IGF2BP2: variants seen among roughly 807,000 people sequenced by gnomAD.
IGF2BP2 encodes insulin-like growth factor 2 mRNA-binding protein 2.
A neutral mutation model predicts 75.8 loss-of-function variants in IGF2BP2; 17 were observed. That is an observed-to-expected ratio of 0.22 (90% CI 0.15 to 0.34). The LOEUF (loss-of-function observed/expected upper bound fraction) is 0.34. Ranked by LOEUF, IGF2BP2 falls within the 10% of genes least tolerant of loss-of-function variation. The pLI, the probability that IGF2BP2 is intolerant of heterozygous loss-of-function variation, is 1.00. For missense variants in IGF2BP2, 516 were observed against 772.4 expected (o/e 0.67, Z 3.93); for synonymous variants, 288 against 295.6 (o/e 0.97, Z 0.26).
chr3:185,769,022 G>A (rs764629758), intron 2 of IGF2BP2, among the ~76,000 whole-genome samples: 10 of 152,044 alleles, frequency 6.6e-5, no homozygotes, highest in Non-Finnish European at 1.0e-4. Flanking sequence ...GTGAGACTCC[G>A]TCTCAAAACA....
intron 13 of IGF2BP2, among the ~76,000 whole-genome samples, chr3:185,651,078 T>A (rs1033482770): frequency 6.6e-6 from 1 of 152,082 alleles, no homozygotes; most frequent in African/African-American, 2.4e-5. Flanking sequence ...CCAGCTACTT[T>A]AAAATTTTTT....
chr3:185,787,464 G>A (rs769840785), intron 2 of IGF2BP2, among the ~76,000 whole-genome samples: 4 of 152,212 alleles, frequency 2.6e-5, no homozygotes, highest in African/African-American at 4.8e-5. Flanking sequence ...CGGGCGCGGC[G>A]GCTCACGCCT....
At chr3:185,814,167 C>A (rs904206069) in intron 2 of IGF2BP2, 8 of 152,194 alleles carry the variant, frequency 5.3e-5, no homozygotes, top group African/African-American at 1.9e-4. Context: ...TCTATGGTCT[C>A]CTCCTTTCTC....
intron 2 of IGF2BP2, among the ~76,000 whole-genome samples, chr3:185,730,584 G>A (rs1353356410): frequency 2.6e-5 from 4 of 151,772 alleles, no homozygotes; most frequent in African/African-American, 9.7e-5. Flanking sequence ...ACAAGCATGC[G>A]CCACCACGCC....
intron 2 of IGF2BP2, among the ~76,000 whole-genome samples, chr3:185,699,915 AG>A (rs1723064526): frequency 6.6e-6 from 1 of 152,222 alleles, no homozygotes. Context: ...AAAATTAGAC[AG>A]AAAAAAGAAC....
chr3:185,682,940 G>A (rs1292870553), intron 7 of IGF2BP2, among the ~76,000 whole-genome samples: 1 of 152,082 alleles, frequency 6.6e-6, no homozygotes. Flanking sequence ...CTCACTTCTT[G>A]GCACATATCC....
intron 2 of IGF2BP2, among the ~76,000 whole-genome samples, chr3:185,730,153 TCTG>T (rs1227307411): frequency 6.6e-6 from 1 of 152,166 alleles, no homozygotes; most frequent in Admixed American, 6.5e-5. Context: ...GTTCCCAGTG[TCTG>T]CTATTTTCAT....
chr3:185,777,692 A>G (rs1036763569), intron 2 of IGF2BP2, among the ~76,000 whole-genome samples: 1 of 152,190 alleles, frequency 6.6e-6, no homozygotes, highest in African/African-American at 2.4e-5. Context: ...ATCAAGGAAT[A>G]AATGTTTGCA....
At chr3:185,679,008 T>C (rs556706260) in intron 7 of IGF2BP2, among the ~76,000 whole-genome samples, 130 of 152,340 alleles carry the variant, frequency 8.5e-4, no homozygotes, top group African/African-American at 3.1e-3. Flanking sequence ...AGCCTATATG[T>C]GTCCTTATAT....
intron 2 of IGF2BP2, among the ~76,000 whole-genome samples, chr3:185,809,983 G>A (rs2150003141): frequency 6.6e-6 from 1 of 152,238 alleles, no homozygotes; most frequent in South Asian, 2.1e-4. Flanking sequence ...TTTTGCAGAA[G>A]CGTTAAGATC....
At chr3:185,671,535 C>CAAAAAA (rs397706922) in intron 10 of IGF2BP2, among the ~76,000 whole-genome samples, 4 of 88,574 alleles carry the variant, frequency 4.5e-5, no homozygotes, top group East Asian at 3.2e-4. Flanking sequence ...GACTCCATCT[C>CAAAAAA]AAAAAAAAAA....
At chr3:185,660,175 C>A (rs973041398) in intron 10 of IGF2BP2, among the ~76,000 whole-genome samples, 1 of 152,202 alleles carries the variant, frequency 6.6e-6, no homozygotes, top group African/African-American at 2.4e-5. Context: ...TGGGTCAACA[C>A]TGACATTGCT....
intron 2 of IGF2BP2, among the ~76,000 whole-genome samples, chr3:185,803,889 C>T (rs1311804387): frequency 6.6e-6 from 1 of 151,462 alleles, no homozygotes; most frequent in African/African-American, 2.4e-5. Context: ...TTTAGGAGGC[C>T]GAGGCGGGTG....
At chr3:185,723,988 A>G (rs1208574314) in intron 2 of IGF2BP2, among the ~76,000 whole-genome samples, 2 of 152,286 alleles carry the variant, frequency 1.3e-5, no homozygotes, top group East Asian at 3.9e-4. Flanking sequence ...GAAGGAGACA[A>G]ATCCAGCGCC....
At chr3:185,651,636 A>G (rs1403507619) in intron 13 of IGF2BP2, among the ~76,000 whole-genome samples, 3 of 152,248 alleles carry the variant, frequency 2.0e-5, no homozygotes, top group African/African-American at 7.2e-5. Context: ...TCTCACTTTT[A>G]GAAAGCTCGA....
intron 2 of IGF2BP2, among the ~76,000 whole-genome samples, chr3:185,759,722 A>C (rs1474277481): frequency 6.6e-6 from 1 of 152,242 alleles, no homozygotes; most frequent in East Asian, 1.9e-4. Flanking sequence ...CCAATCTCTC[A>C]GAAGTCGCCC....
At chr3:185,678,064 C>T (rs1174580744) in intron 7 of IGF2BP2, among the ~76,000 whole-genome samples, 3 of 152,136 alleles carry the variant, frequency 2.0e-5, no homozygotes, top group South Asian at 2.1e-4. Flanking sequence ...CTGAAAGGTT[C>T]CCAAATATGA....
chr3:185,667,802 GT>G (rs903200894), intron 10 of IGF2BP2, among the ~76,000 whole-genome samples: 1 of 152,176 alleles, frequency 6.6e-6, no homozygotes, highest in Non-Finnish European at 1.5e-5. Flanking sequence ...AGATAATCGT[GT>G]TTTTTACAAA....
intron 7 of IGF2BP2, among the ~76,000 whole-genome samples, chr3:185,679,925 A>C (rs923193312): frequency 3.3e-5 from 5 of 152,150 alleles, no homozygotes; most frequent in Non-Finnish European, 5.9e-5. Context: ...CCATCCTTTT[A>C]TTTCAACTTG....
Sources: gnomAD v4.1 joint callset for allele counts (sites outside exome capture counted in the v4.1 genomes callset) on GRCh38, gnomAD v4.1.1 for gene constraint, MANE v1.5 for transcripts, NCBI Gene and HGNC (gene_info 2026-07-23, HGNC 2026-07-21) for gene names.